The following YAP1 variants were observed in gnomAD, a reference collection of about 807,000 sequenced individuals.
The protein encoded by YAP1 is Yes1 associated transcriptional regulator.
Under a neutral mutation model 56.9 loss-of-function variants are expected in YAP1, and 5 were observed. The ratio of observed to expected loss-of-function variants is 0.09; its 90% CI spans 0.05 to 0.18. YAP1 has a LOEUF of 0.18. Among genes scored for constraint, YAP1 ranks in the 10% least tolerant of loss-of-function variants. The pLI is 1.00. For missense variants in YAP1, 539 were observed against 651.8 expected (o/e 0.83, Z 1.88); for synonymous variants, 265 against 248.1 (o/e 1.07, Z -0.64).
intron 2 of YAP1, among the ~76,000 whole-genome samples, chr11:102,158,586 G>C (rs1323690816): frequency 2.6e-5 from 4 of 151,972 alleles, no homozygotes; most frequent in Non-Finnish European, 5.9e-5. Flanking sequence ...TGAATAGCAG[G>C]GGTATGAAAG....
At chr11:102,163,123 A>G (rs1438574108) in intron 3 of YAP1, among the ~76,000 whole-genome samples, 5 of 152,078 alleles carry the variant, frequency 3.3e-5, no homozygotes, top group Admixed American at 1.3e-4. Flanking sequence ...AGCATGGATT[A>G]TTAAACGCAT....
chr11:102,160,185 G>A (rs1946185825), intron 2 of YAP1, among the ~76,000 whole-genome samples: 1 of 151,918 alleles, frequency 6.6e-6, no homozygotes, highest in African/African-American at 2.4e-5. Flanking sequence ...CACCATGCCT[G>A]GCTAATTCTG....
chr11:102,123,637 T>TTTA, intron 2 of YAP1, among the ~76,000 whole-genome samples: 1 of 80,884 alleles, frequency 1.2e-5, no homozygotes. Flanking sequence ...CTTTTCTTTT[T>TTTA]TTTTTTTTCT....
chr11:102,114,428 A>G (rs1943150649), intron 2 of YAP1, 34 bp downstream of exon 2: 1 of 1,597,860 alleles, frequency 6.3e-7, no homozygotes, highest in Non-Finnish European at 8.6e-7. Flanking sequence ...ACAGTTATCT[A>G]AGACAAATAT....
rs1022293023 is a variant in YAP1 at position 102,230,273 on chromosome 11, A to G, written c.*333A>G. On this transcript the variant is annotated 3_prime_UTR_variant, in exon 9 of 9. Coordinates refer to ENST00000282441, the MANE Select transcript of YAP1 (RefSeq NM_001130145.3). ...CTTTTGCCCAGTTAAATGTTCACCA[A>G]TCATTTTAACTAAATACTCAGACTT... 5 of 204,340 alleles carry G rather than the reference A, an allele frequency of 2.4e-5. No homozygotes were observed. The highest frequency in any genetic ancestry group is 1.2e-4 in the East Asian group (1 of 8,412). 12.7% of individuals were successfully genotyped at this position (204,340 alleles called of 1,614,324 possible). A position where few individuals can be genotyped will look rare whatever the true frequency, so the allele number is the denominator to read the frequency against.
chr11:102,142,645 A>G (rs1945087804), intron 2 of YAP1, among the ~76,000 whole-genome samples: 1 of 152,242 alleles, frequency 6.6e-6, no homozygotes, highest in Non-Finnish European at 1.5e-5. Flanking sequence ...TTTGATTGTC[A>G]AGTACAACTC....
intron 2 of YAP1, among the ~76,000 whole-genome samples, chr11:102,149,907 A>G (rs1945526332): frequency 1.3e-5 from 2 of 150,854 alleles, no homozygotes; most frequent in Non-Finnish European, 2.9e-5. Flanking sequence ...ATGAAGAAAT[A>G]TAGATTACTG....
intron 2 of YAP1, among the ~76,000 whole-genome samples, chr11:102,117,977 A>G (rs185153894): frequency 6.6e-6 from 1 of 152,308 alleles, no homozygotes; most frequent in Non-Finnish European, 1.5e-5. Context: ...CTGCTGAATA[A>G]CTTCCTGACT....
chr11:102,130,720 C>CTTTTTTTTTTTTTTTTTTTTTT (rs61175592), intron 2 of YAP1, among the ~76,000 whole-genome samples: 1 of 98,114 alleles, frequency 1.0e-5, no homozygotes. Context: ...GATAACTACT[C>CTTTTTTTTTTTTTTTTTTTTTT]TTTTTTTTTT....
intron 4 of YAP1, among the ~76,000 whole-genome samples, chr11:102,188,920 A>AT (rs76406964): frequency 4.6e-5 from 7 of 152,170 alleles, no homozygotes; most frequent in African/African-American, 1.7e-4. Flanking sequence ...TTTTTTAATG[A>AT]TTTTTTTCTT....
chr11:102,169,219 T>G (rs1245487472), intron 3 of YAP1, among the ~76,000 whole-genome samples: 3 of 152,212 alleles, frequency 2.0e-5, no homozygotes, highest in Non-Finnish European at 2.9e-5. Context: ...ATAGTTAAAA[T>G]GTATTATTAA....
At chr11:102,122,197 A>G (rs1440360558) in intron 2 of YAP1, among the ~76,000 whole-genome samples, 1 of 152,166 alleles carries the variant, frequency 6.6e-6, no homozygotes, top group East Asian at 1.9e-4. Flanking sequence ...AGGCAGGCAG[A>G]TAACTTGAGG....
intron 7 of YAP1, among the ~76,000 whole-genome samples, chr11:102,225,111 G>C (rs192192903): frequency 1.0e-3 from 159 of 151,590 alleles, no homozygotes; most frequent in African/African-American, 3.6e-3. Flanking sequence ...GGGCAGAATT[G>C]TATATGCATT....
rs75490932 is a variant in YAP1 at position 102,134,121 on chromosome 11, G to A, written c.572+19727G>A. Among the ~76,000 whole-genome samples the A allele has an allele frequency of 1.4e-3, 217 of 152,232 alleles. 3 individuals carry two copies. In the East Asian group the frequency reaches 0.035, roughly 24 times the overall value. ...TCAGCGATGACTTTTGGGAGGACACGGATATTTAGTCCAAAACACTGTTTT... is the reference window on the plus strand; with the variant it reads ...TCAGCGATGACTTTTGGGAGGACACAGATATTTAGTCCAAAACACTGTTTT... On this transcript the variant is annotated intron_variant, in intron 2 of 8. Coordinates refer to ENST00000282441, the MANE Select transcript of YAP1 (RefSeq NM_001130145.3).
rs1482391881 is a variant in YAP1, at chr11:102,232,490, G to A, written c.*2550G>A. 2 of 152,414 alleles carry A rather than the reference G, an allele frequency of 1.3e-5. No individual in the cohort carries two copies. Among genetic ancestry groups the A allele is most frequent in the Non-Finnish European group, 2.9e-5 (2 of 68,038 alleles). The allele number at this position is 152,414 out of a possible 1,614,324, so 9.4% of individuals were successfully genotyped here. A position where few individuals can be genotyped will look rare whatever the true frequency, so the allele number is the denominator to read the frequency against. ...TGCCCAGTTATACCTCAGTGTTGTA[G>A]CAGTACTGTGATACCTGGCACAGTG... On this transcript the variant is annotated 3_prime_UTR_variant, in exon 9 of 9. Transcript: ENST00000282441.
chr11:102,122,895 C>CAAAAAAAAAAAAAAAAAAAAAAA (rs56934997), intron 2 of YAP1, among the ~76,000 whole-genome samples: 24 of 79,454 alleles, frequency 3.0e-4, no homozygotes, highest in South Asian at 8.9e-4. Context: ...AGACTTCTCT[C>CAAAAAAAAAAAAAAAAAAAAAAA]AAAAAAAAAA....
intron 6 of YAP1, among the ~76,000 whole-genome samples, chr11:102,220,508 T>C (rs1949872889): frequency 6.6e-6 from 1 of 152,168 alleles, no homozygotes; most frequent in Non-Finnish European, 1.5e-5. Flanking sequence ...TTTGCTGGGC[T>C]GAGATAAAAT....
In YAP1 at chr11:102,228,049, CAA is replaced by C. The variant is rs35908272; in HGVS notation, c.1276+485_1276+486del. 6.8e-3 allele frequency among the ~76,000 whole-genome samples: 761 copies of C among 111,504 alleles called. 6 individuals are homozygous for C. Among genetic ancestry groups the C allele is most frequent in the Admixed American group, 0.039 (424 of 10,958 alleles). The allele number at this position is 111,504 out of a possible 152,430, so 73.2% of individuals were successfully genotyped here. ...TGGGTGACAGAATGAGACCTCTTCT[CAA>C]AAAAAAAAAAAAAAAATCATAAATT... On this transcript the variant is annotated intron_variant, in intron 8 of 8. Coordinates refer to ENST00000282441, the MANE Select transcript of YAP1 (RefSeq NM_001130145.3).
chr11:102,197,300 T>C (rs931705672), intron 4 of YAP1, among the ~76,000 whole-genome samples: 3 of 152,220 alleles, frequency 2.0e-5, no homozygotes, highest in Admixed American at 2.0e-4. Context: ...TTTGATGTAA[T>C]GTTTTAATAG....
Sources: gnomAD v4.1 joint callset for allele counts (sites outside exome capture counted in the v4.1 genomes callset) on GRCh38, gnomAD v4.1.1 for gene constraint, MANE v1.5 for transcripts, NCBI Gene and HGNC (gene_info 2026-07-23, HGNC 2026-07-21) for gene names.